FMN2: variants seen among roughly 807,000 people sequenced by gnomAD.
FMN2 encodes formin 2, also known as formin-2.
FMN2 carries 51 observed loss-of-function variants against 142.3 expected under a neutral mutation model. That is an observed-to-expected ratio of 0.36 (90% CI 0.29 to 0.45). The LOEUF is 0.45. Among genes scored for constraint, FMN2 ranks in the 20% least tolerant of loss-of-function variants. The pLI is 1.00. For synonymous variants in FMN2, 882 were observed against 869.8 expected (o/e 1.01, Z -0.25); for missense variants, 1,936 against 2,122.8 (o/e 0.91, Z 1.73).
intron 1 of FMN2, among the ~76,000 whole-genome samples, chr1:240,107,858 C>T (rs555644123): frequency 2.0e-4 from 31 of 152,112 alleles, no homozygotes; most frequent in African/African-American, 7.2e-4. Flanking sequence ...TGAATACTCT[C>T]AGTATGATGT....
rs1184089040 is a variant in FMN2, at chr1:240,230,612, C to A, written c.4065+19377C>A. ...TTTTCTATATGGATTGTAATGTTGCCATTAAAACTTTTTACAAAACATGTA... is the reference window on the plus strand; with the variant it reads ...TTTTCTATATGGATTGTAATGTTGCAATTAAAACTTTTTACAAAACATGTA... On this transcript the variant is annotated intron_variant, in intron 6 of 17. Transcript: ENST00000319653. Among the ~76,000 whole-genome samples, 2 of 131,116 alleles carry A rather than the reference C, an allele frequency of 1.5e-5. 1 individual carries two copies. The highest frequency in any genetic ancestry group is 3.2e-5 in the Non-Finnish European group (2 of 62,718). 86.0% of individuals were successfully genotyped at this position (131,116 alleles called of 152,430 possible).
intron 16 of FMN2, among the ~76,000 whole-genome samples, chr1:240,462,803 G>T (rs924716846): frequency 2.0e-5 from 3 of 152,010 alleles, no homozygotes; most frequent in Admixed American, 6.6e-5. Flanking sequence ...GTGAAAATCT[G>T]GGGGGGAAAG....
intron 15 of FMN2, among the ~76,000 whole-genome samples, chr1:240,414,822 G>C (rs1344120201): frequency 6.6e-6 from 1 of 152,124 alleles, no homozygotes; most frequent in East Asian, 1.9e-4. Flanking sequence ...TTGACCCTGT[G>C]GTGGCAGAGT....
In FMN2 at chr1:240,207,477, C is replaced by T. The variant is rs774931733; in HGVS notation, c.2665C>T (p.Pro889Ser). ...TCCCCCTCTCCCTGGCATGACAGTGCCTACTCTGCCCAGTACAGCCATTCC... is the reference window on the plus strand; with the variant it reads ...TCCCCCTCTCCCTGGCATGACAGTGTCTACTCTGCCCAGTACAGCCATTCC... ...PPPPLPGMTV[P>S]TLPSTAIPQP... The change falls in exon 5 of 18, where the codon CCT becomes TCT. Residue 889 changes from proline (P) to serine (S), a missense_variant. By Grantham distance (74) the Pro-to-Ser change is moderately conservative. Coordinates refer to ENST00000319653, the MANE Select transcript of FMN2 (RefSeq NM_020066.5). 1 of 1,613,392 alleles carries T rather than the reference C, an allele frequency of 6.2e-7. No individual in the cohort carries two copies. Among genetic ancestry groups the T allele is most frequent in the Admixed American group, 1.7e-5 (1 of 59,956 alleles).
At chr1:240,173,425 G>T (rs568548773) in intron 2 of FMN2, among the ~76,000 whole-genome samples, 1 of 152,310 alleles carries the variant, frequency 6.6e-6, no homozygotes, top group South Asian at 2.1e-4. Flanking sequence ...GGGGTGACAG[G>T]TGTGCTGAGT....
At chr1:240,381,630 A>G (rs1673229071) in intron 14 of FMN2, among the ~76,000 whole-genome samples, 1 of 152,094 alleles carries the variant, frequency 6.6e-6, no homozygotes, top group Non-Finnish European at 1.5e-5. Flanking sequence ...GGACTTCTCC[A>G]TGTTTTCCAG....
At chr1:240,411,445 C>G (rs1480848793) in intron 15 of FMN2, among the ~76,000 whole-genome samples, 2 of 151,968 alleles carry the variant, frequency 1.3e-5, no homozygotes, top group Non-Finnish European at 2.9e-5. Flanking sequence ...CTGTCACATG[C>G]CTGTAATCCC....
At chr1:240,357,132 A>AT (rs1465911600) in intron 14 of FMN2, among the ~76,000 whole-genome samples, 2 of 152,204 alleles carry the variant, frequency 1.3e-5, no homozygotes, top group Non-Finnish European at 2.9e-5. Flanking sequence ...TATGTAGCAC[A>AT]TTTTTTAAAA....
intron 15 of FMN2, among the ~76,000 whole-genome samples, chr1:240,416,575 C>A (rs1283941086): frequency 6.6e-6 from 1 of 152,062 alleles, no homozygotes; most frequent in African/African-American, 2.4e-5. Flanking sequence ...CCCAGCCTCC[C>A]TTTCCATTCT....
chr1:240,295,091 A>G (rs1189217285), intron 8 of FMN2, among the ~76,000 whole-genome samples: 1 of 152,062 alleles, frequency 6.6e-6, no homozygotes, highest in Non-Finnish European at 1.5e-5. Flanking sequence ...TGTGAATCAA[A>G]TCATATTGCA....
chr1:240,342,375 T>C (rs1274242945), intron 13 of FMN2, among the ~76,000 whole-genome samples: 1 of 152,222 alleles, frequency 6.6e-6, no homozygotes, highest in Admixed American at 6.5e-5. Context: ...CTTCAAAAAC[T>C]GCTTAGGATG....
chr1:240,144,905 T>G (rs2103259878), intron 2 of FMN2: 1 of 1,369,572 alleles, frequency 7.3e-7, no homozygotes, highest in East Asian at 2.3e-5. Context: ...CCTGATATAC[T>G]CATGACTCCA....
chr1:240,108,289 C>A (rs1661687983), intron 1 of FMN2, among the ~76,000 whole-genome samples: 1 of 152,126 alleles, frequency 6.6e-6, no homozygotes, highest in Non-Finnish European at 1.5e-5. Context: ...AGATATTTAT[C>A]CTTGTAGCAG....
At chr1:240,325,796 A>G (rs1671152575) in intron 8 of FMN2, among the ~76,000 whole-genome samples, 1 of 152,176 alleles carries the variant, frequency 6.6e-6, no homozygotes, top group African/African-American at 2.4e-5. Context: ...GGCCCCAAGC[A>G]CAGTGTTAAA....
At chr1:240,320,664 T>C (rs188839486) in intron 8 of FMN2, among the ~76,000 whole-genome samples, 4 of 152,228 alleles carry the variant, frequency 2.6e-5, no homozygotes, top group African/African-American at 9.6e-5. Flanking sequence ...AGTGCTTAAG[T>C]ATGGGGGTGG....
At chr1:240,423,395 C>A (rs1414660) in intron 15 of FMN2, among the ~76,000 whole-genome samples, 3 of 152,118 alleles carry the variant, frequency 2.0e-5, no homozygotes, top group East Asian at 1.9e-4. Flanking sequence ...AAATCCAACA[C>A]TGCACAATAA....
At chr1:240,264,118 G>A (rs1272689546) in intron 7 of FMN2, among the ~76,000 whole-genome samples, 1 of 152,036 alleles carries the variant, frequency 6.6e-6, no homozygotes, top group Non-Finnish European at 1.5e-5. Context: ...ATAGTTAAGG[G>A]TACCTTACAA....
At chr1:240,139,445 AGAT>A (rs1663084918) in intron 2 of FMN2, among the ~76,000 whole-genome samples, 1 of 152,224 alleles carries the variant, frequency 6.6e-6, no homozygotes, top group Non-Finnish European at 1.5e-5. Flanking sequence ...TTCAGTGTGT[AGAT>A]GATACTTGAA....
chr1:240,181,270 C>A (rs1242924961), intron 3 of FMN2, among the ~76,000 whole-genome samples: 1 of 152,162 alleles, frequency 6.6e-6, no homozygotes, highest in Admixed American at 6.5e-5. Context: ...TCCCAAAGTG[C>A]TGGGATTACA....
Sources: allele counts gnomAD v4.1 joint callset (sites outside exome capture counted in the v4.1 genomes callset), GRCh38; gene constraint gnomAD v4.1.1; transcripts MANE v1.5; gene names NCBI Gene and HGNC (gene_info 2026-07-23, HGNC 2026-07-21).